Variants in WWOX observed in about 807,000 individuals in gnomAD.
The protein encoded by WWOX is WW domain containing oxidoreductase.
In WWOX, 69 loss-of-function variants were observed where a neutral mutation model predicts 46.2. The observed-to-expected ratio is 1.49, with a 90% CI of 1.23 to 1.82. The LOEUF is 1.82. WWOX is among the 40% of genes most tolerant of loss of function. The pLI is 0.00. For missense variants in WWOX, 919 were observed against 542.6 expected, an observed-to-expected ratio of 1.69 and a Z score of -6.89; for synonymous variants, 359 against 202.6, an observed-to-expected ratio of 1.77 and a Z score of -6.56.
At chr16:78,397,389 G>C (rs566135617) in intron 6 of WWOX, among the ~76,000 whole-genome samples, 19 of 152,248 alleles carry the variant, frequency 1.2e-4, no homozygotes, top group African/African-American at 4.1e-4. Flanking sequence ...CTCTAAGAGT[G>C]GGTTAAAAAA....
chr16:78,820,112 C>T (rs533922333), intron 8 of WWOX, among the ~76,000 whole-genome samples: 58 of 152,242 alleles, frequency 3.8e-4, no homozygotes, highest in African/African-American at 1.3e-3. Context: ...TGTCATGGGC[C>T]TGGCACTCTA....
At chr16:79,080,436 C>T (rs1267559156) in intron 8 of WWOX, among the ~76,000 whole-genome samples, 1 of 152,146 alleles carries the variant, frequency 6.6e-6, no homozygotes, top group Non-Finnish European at 1.5e-5. Flanking sequence ...AATCCCAAAT[C>T]CAAATTCCTG....
At chr16:79,073,876 T>C (rs945265344) in intron 8 of WWOX, among the ~76,000 whole-genome samples, 1 of 152,192 alleles carries the variant, frequency 6.6e-6, no homozygotes, top group Non-Finnish European at 1.5e-5. Flanking sequence ...CAGGTAGTAA[T>C]TTTAAAATGG....
At chr16:78,908,695 G>A (rs952258965) in intron 8 of WWOX, among the ~76,000 whole-genome samples, 8 of 152,092 alleles carry the variant, frequency 5.3e-5, no homozygotes, top group Non-Finnish European at 1.0e-4. Flanking sequence ...GTATTGATTG[G>A]TCAGGTTTGA....
Position 78,432,719 on chromosome 16 carries a change from G to T in WWOX, c.1023G>T (p.Leu341=). ...IHRSWWVYTL[L]FTLARPFTKS... is the part of the protein sequence containing the mutation. The stretch of plus-strand genomic sequence containing the variant: ...GCAGCTGGTGGGTGTACACACTGCT[G>T]TTTACCTTGGCGAGGCCTTTCACCA... The change falls in exon 8 of 9, where the codon CTG becomes CTT. Residue 341 remains leucine (L), a synonymous_variant. Transcript: ENST00000566780. 6.2e-7 allele frequency: 1 copy of T among 1,614,182 alleles called. No individual in the cohort carries two copies. Among genetic ancestry groups the T allele is most frequent in the African/African-American group, 1.3e-5 (1 of 75,036 alleles).
chr16:78,532,205 A>T (rs939273235), intron 8 of WWOX, among the ~76,000 whole-genome samples: 4 of 152,110 alleles, frequency 2.6e-5, no homozygotes, highest in Admixed American at 1.3e-4. Context: ...TTATTGAATT[A>T]CATTTTAATA....
At chr16:78,831,111 A>G (rs1046709385) in intron 8 of WWOX, among the ~76,000 whole-genome samples, 7 of 152,302 alleles carry the variant, frequency 4.6e-5, no homozygotes, top group Admixed American at 3.3e-4. Context: ...GCTTGCAGCT[A>G]TCACAGCCTG....
intron 8 of WWOX, among the ~76,000 whole-genome samples, chr16:78,680,921 G>A (rs947571459): frequency 6.6e-6 from 1 of 152,024 alleles, no homozygotes; most frequent in African/African-American, 2.4e-5. Flanking sequence ...GACCAGCCTG[G>A]GTAACATAGT....
At chr16:78,946,714 C>T (rs2045955657) in intron 8 of WWOX, among the ~76,000 whole-genome samples, 1 of 152,064 alleles carries the variant, frequency 6.6e-6, no homozygotes, top group Non-Finnish European at 1.5e-5. Flanking sequence ...GTCTGTTTTT[C>T]AGAGCGTTGA....
intron 8 of WWOX, among the ~76,000 whole-genome samples, chr16:78,587,484 T>C (rs1229578064): frequency 1.3e-5 from 2 of 152,180 alleles, no homozygotes; most frequent in African/African-American, 4.8e-5. Flanking sequence ...CAAACGTGCA[T>C]GAATCTTTCA....
intron 5 of WWOX, chr16:78,270,448 T>C (rs2079454351): frequency 6.6e-6 from 1 of 152,290 alleles, no homozygotes; most frequent in Non-Finnish European, 1.5e-5. Context: ...TTGGGGTTTC[T>C]AAGCTTGGGG....
rs72801102 is a variant in WWOX, at chr16:78,837,315, G to T, written c.1057-374293G>T. Reference sequence around the variant, plus strand: ...CATTTCTTCCAACACTTAGAGAAGTGAACGAGGCAGTGACTCCTTTATTCC... The same window carrying T: ...CATTTCTTCCAACACTTAGAGAAGTTAACGAGGCAGTGACTCCTTTATTCC... On this transcript the variant is annotated intron_variant, in intron 8 of 8. Transcript: ENST00000566780. 2.4e-3 allele frequency among the ~76,000 whole-genome samples: 372 copies of T among 152,268 alleles called. 1 individual carries two copies. Among genetic ancestry groups the T allele is most frequent in the Non-Finnish European group, 4.2e-3 (289 of 68,026 alleles).
rs149272816 is a variant in WWOX at position 78,999,587 on chromosome 16, C to A, written c.1057-212021C>A. ...AAAATGTTATTCAGGGGAGAGAGACCCTTCATGTGAAGAAATTTTAGGAAT... is the reference window on the plus strand; with the variant it reads ...AAAATGTTATTCAGGGGAGAGAGACACTTCATGTGAAGAAATTTTAGGAAT... On this transcript the variant is annotated intron_variant, in intron 8 of 8. Coordinates refer to ENST00000566780, the MANE Select transcript of WWOX (RefSeq NM_016373.4). Among the ~76,000 whole-genome samples, 572 of 152,150 alleles carry A rather than the reference C, an allele frequency of 3.8e-3. 6 individuals carry two copies. Among genetic ancestry groups the A allele is most frequent in the African/African-American group, 0.013 (530 of 41,500 alleles).
At chr16:78,425,225 T>C (rs1203877190) in intron 7 of WWOX, among the ~76,000 whole-genome samples, 170 bp downstream of exon 7, 1 of 152,160 alleles carries the variant, frequency 6.6e-6, no homozygotes, top group East Asian at 1.9e-4. Flanking sequence ...CCTGTGATTG[T>C]GGGGGACTGT....
intron 8 of WWOX, among the ~76,000 whole-genome samples, chr16:78,932,492 C>G (rs1360846738): frequency 6.6e-6 from 1 of 152,230 alleles, no homozygotes; most frequent in African/African-American, 2.4e-5. Context: ...TCCCAGATGT[C>G]TTTTTCCTGC....
At chr16:78,369,385 C>T (rs956054197) in intron 5 of WWOX, among the ~76,000 whole-genome samples, 10 of 152,126 alleles carry the variant, frequency 6.6e-5, no homozygotes, top group African/African-American at 2.4e-4. Flanking sequence ...TTCCATTTAG[C>T]TTTCTTGACT....
intron 8 of WWOX, among the ~76,000 whole-genome samples, chr16:79,179,389 T>C (rs1230971344): frequency 1.3e-5 from 2 of 152,194 alleles, no homozygotes; most frequent in African/African-American, 2.4e-5. Flanking sequence ...GGGTACACTT[T>C]CCACCCTCCC....
chr16:78,421,871 G>C (rs539532637), intron 6 of WWOX, among the ~76,000 whole-genome samples: 7 of 152,110 alleles, frequency 4.6e-5, no homozygotes, highest in African/African-American at 1.7e-4. Flanking sequence ...TTTATTGCTT[G>C]GAAACAGGAT....
At chr16:78,680,987 G>T (rs765058850) in intron 8 of WWOX, among the ~76,000 whole-genome samples, 3 of 152,136 alleles carry the variant, frequency 2.0e-5, no homozygotes, top group Non-Finnish European at 4.4e-5. Context: ...AGTGGCTCAC[G>T]CCTGTAATCC....
Sources: gnomAD v4.1 joint callset for allele counts (sites outside exome capture counted in the v4.1 genomes callset) on GRCh38, gnomAD v4.1.1 for gene constraint, MANE v1.5 for transcripts, NCBI Gene and HGNC (gene_info 2026-07-23, HGNC 2026-07-21) for gene names.